MSI2: variants seen among roughly 807,000 people sequenced by gnomAD.
MSI2 encodes the protein musashi RNA binding protein 2.
MSI2 carries 17 observed loss-of-function variants against 45.6 expected under a neutral mutation model. The observed-to-expected ratio is 0.37, with a 90% CI of 0.26 to 0.56. The LOEUF (loss-of-function observed/expected upper bound fraction) is 0.56, where lower values mean the gene tolerates loss of function less well. Ranked by LOEUF, MSI2 falls within the 20% of genes least tolerant of loss-of-function variation. MSI2 has a pLI of 0.77. For missense variants in MSI2, 293 were observed against 444.2 expected, an observed-to-expected ratio of 0.66 and a Z score of 3.06; for synonymous variants, 156 against 158.2, an observed-to-expected ratio of 0.99 and a Z score of 0.11.
At chr17:57,673,713 T>TG (rs530129367) in intron 11 of MSI2, among the ~76,000 whole-genome samples, 25,948 of 152,020 alleles carry the variant, frequency 0.17, 2,730 homozygotes, top group African/African-American at 0.29. Context: ...ATGATGGGAT[T>TG]GGGGGGGCCG....
At chr17:57,403,259 T>G (rs930503331) in intron 6 of MSI2, among the ~76,000 whole-genome samples, 1 of 152,178 alleles carries the variant, frequency 6.6e-6, no homozygotes, top group Non-Finnish European at 1.5e-5. Context: ...TCCCCAACCC[T>G]TGGTTTCTTT....
chr17:57,480,829 G>A (rs893382033), intron 6 of MSI2, among the ~76,000 whole-genome samples: 5 of 152,170 alleles, frequency 3.3e-5, no homozygotes, highest in African/African-American at 1.2e-4. Flanking sequence ...ACAGAACCAT[G>A]GTTCCTTGAT....
intron 9 of MSI2, chr17:57,626,394 A>AGTC (rs1908811121): frequency 6.6e-6 from 1 of 151,724 alleles, no homozygotes; most frequent in South Asian, 2.1e-4. Context: ...GCTGAATGAC[A>AGTC]CCTCACATCA....
At chr17:57,437,501 A>C (rs1446464624) in intron 6 of MSI2, among the ~76,000 whole-genome samples, 1 of 152,116 alleles carries the variant, frequency 6.6e-6, no homozygotes, top group Non-Finnish European at 1.5e-5. Context: ...ATTATTGGGG[A>C]CATGCCTGGA....
At chr17:57,582,655 A>C (rs953720299) in intron 7 of MSI2, among the ~76,000 whole-genome samples, 2 of 152,212 alleles carry the variant, frequency 1.3e-5, no homozygotes, top group East Asian at 3.9e-4. Context: ...TCATGATACT[A>C]ATTTTTCAAC....
intron 5 of MSI2, among the ~76,000 whole-genome samples, chr17:57,375,283 A>G (rs1372115519): frequency 6.6e-6 from 1 of 152,180 alleles, no homozygotes; most frequent in African/African-American, 2.4e-5. Context: ...CAGCCTTCCC[A>G]GGCCTCTAGC....
At chr17:57,283,895 C>G (rs951961383) in intron 5 of MSI2, among the ~76,000 whole-genome samples, 3 of 152,178 alleles carry the variant, frequency 2.0e-5, no homozygotes, top group Admixed American at 6.5e-5. Flanking sequence ...GAAGCACTCA[C>G]GTTGTGCCCA....
intron 5 of MSI2, among the ~76,000 whole-genome samples, chr17:57,394,512 G>C (rs1467925240): frequency 1.3e-5 from 2 of 152,234 alleles, no homozygotes; most frequent in Non-Finnish European, 2.9e-5. Flanking sequence ...CTTTTCCATA[G>C]GGGAAAAGTA....
At chr17:57,389,075 T>G (rs745760818) in intron 5 of MSI2, among the ~76,000 whole-genome samples, 1 of 151,036 alleles carries the variant, frequency 6.6e-6, no homozygotes, top group Non-Finnish European at 1.5e-5. Flanking sequence ...GCCTCCCAGA[T>G]TCAAGCAATT....
chr17:57,419,318 T>C (rs2084352722), intron 6 of MSI2, among the ~76,000 whole-genome samples: 1 of 152,064 alleles, frequency 6.6e-6, no homozygotes, highest in Admixed American at 6.5e-5. Flanking sequence ...CAAATTGGGC[T>C]GCCAGTAGAG....
chr17:57,641,566 C>T (rs540323132), intron 10 of MSI2, among the ~76,000 whole-genome samples: 1 of 152,152 alleles, frequency 6.6e-6, no homozygotes, highest in Non-Finnish European at 1.5e-5. Context: ...AGCATCGGAA[C>T]AGGGAACTCT....
intron 11 of MSI2, among the ~76,000 whole-genome samples, chr17:57,668,612 G>A (rs1397860686): frequency 4.3e-5 from 3 of 69,224 alleles, no homozygotes. Flanking sequence ...CCCAGTGCAT[G>A]CACAGACAAC....
At chr17:57,522,011 C>A (rs758028125) in intron 6 of MSI2, among the ~76,000 whole-genome samples, 2 of 152,286 alleles carry the variant, frequency 1.3e-5, no homozygotes, top group South Asian at 4.1e-4. Context: ...CTGAGCTTTA[C>A]GGAAGGAACC....
At chr17:57,695,246 C>A in the MSI2 span, among the ~76,000 whole-genome samples, 4 of 152,100 alleles carry the variant, frequency 2.6e-5, no homozygotes, top group African/African-American at 9.7e-5. Context: ...TGGAAGGGGG[C>A]GGAATATTGG....
At chr17:57,672,143 T>G (rs1423118270) in intron 11 of MSI2, among the ~76,000 whole-genome samples, 1 of 148,570 alleles carries the variant, frequency 6.7e-6, no homozygotes, top group Non-Finnish European at 1.5e-5. Context: ...AAGGTGACTT[T>G]GAGCTGAGGC....
At chr17:57,350,352 T>C (rs1204423672) in intron 5 of MSI2, among the ~76,000 whole-genome samples, 1 of 152,100 alleles carries the variant, frequency 6.6e-6, no homozygotes, top group African/African-American at 2.4e-5. Context: ...ATAGCCGTTG[T>C]AGGGATTATG....
At chr17:57,480,718 A>G (rs2085632521) in intron 6 of MSI2, among the ~76,000 whole-genome samples, 2 of 152,160 alleles carry the variant, frequency 1.3e-5, no homozygotes, top group Non-Finnish European at 2.9e-5. Flanking sequence ...CAGAATTGCC[A>G]CCTTCTACCT....
At position 57,269,404 on chromosome 17, in the gene MSI2, C is replaced by T. The variant is rs1364113806; in HGVS notation, c.312+7212C>T. ...ATAGAAGCTGGGGTCACTGATAGGA[C>T]CATGGCGGATGCTGTTGCCTGGAGA... On this transcript the variant is annotated intron_variant, in intron 5 of 13. Transcript: ENST00000284073. Among the ~76,000 whole-genome samples the T allele has an allele frequency of 1.3e-5, 2 of 152,152 alleles. 1 individual carries two copies. Among genetic ancestry groups the T allele is most frequent in the Non-Finnish European group, 2.9e-5 (2 of 68,034 alleles).
chr17:57,313,707 G>A (rs1534307), intron 5 of MSI2, among the ~76,000 whole-genome samples: 108,020 of 152,126 alleles, frequency 0.71, 38,477 homozygotes, highest in East Asian at 0.85. Context: ...CTTTCAGTTC[G>A]GTCCGGTTCA....
Sources: gnomAD v4.1 joint callset for allele counts (sites outside exome capture counted in the v4.1 genomes callset) on GRCh38, gnomAD v4.1.1 for gene constraint, MANE v1.5 for transcripts, NCBI Gene and HGNC (gene_info 2026-07-23, HGNC 2026-07-21) for gene names.